The following FRMD3 variants were observed in gnomAD, a reference collection of about 807,000 sequenced individuals.
FRMD3 encodes FERM domain-containing protein 3.
FRMD3 carries 33 observed loss-of-function variants against 70.2 expected under a neutral mutation model. The ratio of observed to expected loss-of-function variants is 0.47; its 90% confidence interval spans 0.36 to 0.63. The LOEUF (loss-of-function observed/expected upper bound fraction) is 0.63, where lower values mean the gene tolerates loss of function less well. FRMD3 is among the 20% of genes least tolerant of loss of function. FRMD3 has a pLI of 0.00. For synonymous variants in FRMD3, 279 were observed against 255.9 expected (o/e 1.09, Z -0.86); for missense variants, 632 against 711.4 (o/e 0.89, Z 1.27).
intron 13 of FRMD3, among the ~76,000 whole-genome samples, chr9:83,255,916 G>A (rs1023691442): frequency 6.6e-6 from 1 of 152,134 alleles, no homozygotes; most frequent in Admixed American, 6.5e-5. Context: ...CGGATAGGAC[G>A]ACTCAATATT....
At chr9:83,298,253 A>C (rs539207546) in intron 12 of FRMD3, among the ~76,000 whole-genome samples, 2 of 152,360 alleles carry the variant, frequency 1.3e-5, no homozygotes, top group East Asian at 3.9e-4. Context: ...TTAATTCTTA[A>C]GAATGACTGC....
intron 1 of FRMD3, among the ~76,000 whole-genome samples, chr9:83,491,544 G>A (rs1400159313): frequency 6.6e-6 from 1 of 152,126 alleles, no homozygotes. Flanking sequence ...ATGCCCAGGG[G>A]TCAGCATAGG....
At chr9:83,532,845 A>T (rs1439557638) in intron 1 of FRMD3, among the ~76,000 whole-genome samples, 2 of 152,224 alleles carry the variant, frequency 1.3e-5, no homozygotes, top group African/African-American at 4.8e-5. Context: ...TGCATGAGGA[A>T]ATACCTCTTC....
At chr9:83,490,763 TTC>T (rs67058664) in intron 1 of FRMD3, among the ~76,000 whole-genome samples, 23,874 of 128,304 alleles carry the variant, frequency 0.19, 2,438 homozygotes, top group Admixed American at 0.24. Context: ...TTTTACTCTC[TTC>T]TCTCTCTCTC....
At chr9:83,325,656 A>T (rs138136876) in intron 6 of FRMD3, among the ~76,000 whole-genome samples, 270 of 152,246 alleles carry the variant, frequency 1.8e-3, no homozygotes, top group African/African-American at 6.4e-3. Flanking sequence ...AACTTTTTCA[A>T]ATTCTAAACA....
intron 1 of FRMD3, among the ~76,000 whole-genome samples, chr9:83,443,845 A>G (rs1407868618): frequency 6.6e-6 from 1 of 152,102 alleles, no homozygotes; most frequent in Non-Finnish European, 1.5e-5. Context: ...AACTGGTGTG[A>G]GATGGCATCT....
At chr9:83,450,098 C>CT (rs112516920) in intron 1 of FRMD3, among the ~76,000 whole-genome samples, 88,509 of 151,990 alleles carry the variant, frequency 0.58, 26,909 homozygotes, top group African/African-American at 0.78. Flanking sequence ...ACCAAGCCTG[C>CT]GCCACCCAAC....
intron 2 of FRMD3, among the ~76,000 whole-genome samples, chr9:83,383,181 G>T (rs550046196): frequency 6.6e-6 from 1 of 152,190 alleles, no homozygotes; most frequent in Non-Finnish European, 1.5e-5. Context: ...CCTCCAGATC[G>T]GACTAGCTGC....
intron 1 of FRMD3, among the ~76,000 whole-genome samples, chr9:83,425,500 C>T (rs1452746378): frequency 1.3e-5 from 2 of 152,176 alleles, no homozygotes; most frequent in African/African-American, 4.8e-5. Context: ...CCGGGGAAAC[C>T]TGTCCAGCAG....
chr9:83,410,022 C>G (rs1253464583), intron 1 of FRMD3, among the ~76,000 whole-genome samples: 1 of 152,226 alleles, frequency 6.6e-6, no homozygotes, highest in Non-Finnish European at 1.5e-5. Context: ...CAGACGACTC[C>G]TAATCTTGCT....
chr9:83,299,262 T>C lies in FRMD3; in HGVS notation c.927-76A>G, dbSNP rs539839406. 6.9e-6 allele frequency: 6 copies of C among 864,412 alleles called. No homozygotes were observed. The South Asian group carries it at 9.1e-5, about 13-fold the overall frequency. The allele number at this position is 864,412 out of a possible 1,614,324, so 53.5% of individuals were successfully genotyped here. Reference sequence around the variant, plus strand: ...ACAACATGCTATAGAGGTGTGGTGATGGGGTATTTTTACTGCAAGAAAGAA... The same window carrying C: ...ACAACATGCTATAGAGGTGTGGTGACGGGGTATTTTTACTGCAAGAAAGAA... On this transcript the variant is annotated intron_variant, in intron 10 of 13. Coordinates refer to ENST00000304195, the MANE Select transcript of FRMD3 (RefSeq NM_174938.6).
chr9:83,283,546 A>AT (rs1170602626), intron 13 of FRMD3, among the ~76,000 whole-genome samples: 69 of 25,902 alleles, frequency 2.7e-3, no homozygotes, highest in Admixed American at 4.6e-3. Context: ...AAAAAAAAAA[A>AT]AATAATAATA....
chr9:83,533,868 T>C (rs1829838577), intron 1 of FRMD3, among the ~76,000 whole-genome samples: 1 of 152,256 alleles, frequency 6.6e-6, no homozygotes, highest in Admixed American at 6.5e-5. Context: ...TCCAACTATG[T>C]CAGCCATGTT....
chr9:83,439,625 T>C (rs954928920), intron 1 of FRMD3, among the ~76,000 whole-genome samples: 3 of 152,262 alleles, frequency 2.0e-5, no homozygotes, highest in Non-Finnish European at 4.4e-5. Context: ...ATTCTCACTT[T>C]CTATTTGGCA....
chr9:83,560,828 C>G, the FRMD3 span, among the ~76,000 whole-genome samples: 32 of 152,298 alleles, frequency 2.1e-4, no homozygotes, highest in African/African-American at 7.7e-4. Flanking sequence ...ATGGAAGCCA[C>G]CCAGCTTTGA....
chr9:83,267,261 C>T, intron 13 of FRMD3: 1 of 1,497,010 alleles, frequency 6.7e-7, no homozygotes, highest in South Asian at 1.3e-5. Context: ...ATGTCAGGTT[C>T]CTAATGCGGC....
At chr9:83,522,810 G>A (rs1220276996) in intron 1 of FRMD3, among the ~76,000 whole-genome samples, 1 of 151,924 alleles carries the variant, frequency 6.6e-6, no homozygotes, top group Admixed American at 6.6e-5. Context: ...TAATCTGCCC[G>A]CCTCGGCCTC....
At chr9:83,302,623 T>C (rs1329421710) in intron 10 of FRMD3, among the ~76,000 whole-genome samples, 2 of 152,008 alleles carry the variant, frequency 1.3e-5, no homozygotes, top group African/African-American at 2.4e-5. Flanking sequence ...CCCTCCCTAA[T>C]ATCAATCTCA....
chr9:83,331,234 T>C (rs1379743220), intron 6 of FRMD3, among the ~76,000 whole-genome samples: 1 of 152,218 alleles, frequency 6.6e-6, no homozygotes, highest in Non-Finnish European at 1.5e-5. Context: ...GGATAAATTA[T>C]GATACATACA....
Sources: allele counts gnomAD v4.1 joint callset (sites outside exome capture counted in the v4.1 genomes callset), GRCh38; gene constraint gnomAD v4.1.1; transcripts MANE v1.5; gene names NCBI Gene and HGNC (gene_info 2026-07-23, HGNC 2026-07-21).